The following CLCN7 variants were observed in gnomAD, a reference collection of about 807,000 sequenced individuals.
CLCN7 encodes the protein Cl-/H+ antiporter 7, also known as H(+)/Cl(-) exchange transporter 7.
A neutral mutation model predicts 102.1 loss-of-function variants in CLCN7; 60 were observed. That is an observed-to-expected ratio of 0.59 (90% CI 0.48 to 0.73). The LOEUF (loss-of-function observed/expected upper bound fraction) is 0.73. CLCN7 is among the 30% of genes least tolerant of loss of function. The pLI is 0.00. For synonymous variants in CLCN7, 560 were observed against 490.5 expected (o/e 1.14, Z -1.87); for missense variants, 962 against 1,125.7 (o/e 0.85, Z 2.08).
rs774184483 is a variant in CLCN7, at chr16:1,446,431, G to C, written c.*200C>G. On this transcript the variant is annotated 3_prime_UTR_variant, in exon 25 of 25. Coordinates refer to ENST00000382745, the MANE Select transcript of CLCN7 (RefSeq NM_001287.6). ...TGGGCCTGCGCAAGGAGGCGCCAAG[G>C]GGGGAGACCACTGCCCACAACAGGG... is the stretch of plus-strand genomic sequence containing the variant. 6.1e-5 allele frequency: 43 copies of C among 703,558 alleles called. No individual in the cohort carries two copies. The highest frequency in any genetic ancestry group is 4.0e-4 in the Admixed American group (20 of 49,972). The allele number at this position is 703,558 out of a possible 1,614,324, so 43.6% of individuals were successfully genotyped here. A position where few individuals can be genotyped will look rare whatever the true frequency, so the allele number is the denominator to read the frequency against.
In CLCN7 at chr16:1,452,849, A is replaced by G; in HGVS notation, c.1259T>C (p.Val420Ala). Residue 420 changes from valine (V) to alanine (A), a missense_variant, in exon 15 of 25, where the codon GTG (valine) becomes GCG (alanine). Transcript: ENST00000382745. Reference protein sequence around the residue: ...PCLQVIEAVLVAAVTATVAFV... With the variant: ...PCLQVIEAVLAAAVTATVAFV... ...GGCAACTGTGGCCGTGACGGCGGCCACCAGCACGGCCTCAATCACCTGCAG... is the reference window on the plus strand; with the variant it reads ...GGCAACTGTGGCCGTGACGGCGGCCGCCAGCACGGCCTCAATCACCTGCAG... 1.3e-6 allele frequency: 2 copies of G among 1,583,046 alleles called. No homozygotes were observed. The highest frequency in any genetic ancestry group is 1.7e-6 in the Non-Finnish European group (2 of 1,164,918).
At position 1,446,430 on chromosome 16, in the gene CLCN7, G is replaced by T. The variant is rs1278385914; in HGVS notation, c.*201C>A. The stretch of plus-strand genomic sequence containing the variant: ...CTGGGCCTGCGCAAGGAGGCGCCAA[G>T]GGGGGAGACCACTGCCCACAACAGG... On this transcript the variant is annotated 3_prime_UTR_variant, in exon 25 of 25. Transcript: ENST00000382745. The T allele has an allele frequency of 1.4e-6, 1 of 703,786 alleles. No individual in the cohort carries two copies. Among genetic ancestry groups the T allele is most frequent in the African/African-American group, 1.7e-5 (1 of 57,412 alleles). 43.6% of individuals were successfully genotyped at this position (703,786 alleles called of 1,614,324 possible). A position where few individuals can be genotyped will look rare whatever the true frequency, so the allele number is the denominator to read the frequency against.
chr16:1,455,998 C>A, intron 10 of CLCN7, 115 bp downstream of exon 10: 2 of 1,056,514 alleles, frequency 1.9e-6, no homozygotes, highest in Admixed American at 2.1e-5. Context: ...AATGCCCCGG[C>A]CGTGACTCCA....
In CLCN7 at chr16:1,446,008, T is replaced by C; in HGVS notation, c.*623A>G. On this transcript the variant is annotated 3_prime_UTR_variant, in exon 25 of 25. Transcript: ENST00000382745. ...GTCACCCCAGTCCTCTGGGCCTGTG[T>C]ACCCAAGCCGGATGCAGGCCGGGGA... The C allele has an allele frequency of 1.9e-6, 1 of 519,222 alleles. No individual in the cohort carries two copies. Among genetic ancestry groups the C allele is most frequent in the South Asian group, 2.5e-5 (1 of 39,776 alleles). 32.2% of individuals were successfully genotyped at this position (519,222 alleles called of 1,614,324 possible).
At position 1,474,967 on chromosome 16, in the gene CLCN7, T is replaced by C; in HGVS notation, c.8A>G (p.Asn3Ser). The C allele has an allele frequency of 6.7e-7, 1 of 1,485,158 alleles. No homozygotes were observed. Among genetic ancestry groups the C allele is most frequent in the Non-Finnish European group, 8.9e-7 (1 of 1,121,408 alleles). 92.0% of individuals were successfully genotyped at this position (1,485,158 alleles called of 1,614,324 possible). The change falls in exon 1 of 25, where the codon AAC (asparagine) becomes AGC (serine). Residue 3 changes from asparagine to serine, a missense_variant. By Grantham distance (46) the Asn-to-Ser change is conservative. This residue lies in a region of CLCN7 where 163 missense variants were observed against 137.7 expected (regional missense o/e 1.18). Transcript: ENST00000382745. Reference sequence around the variant, plus strand: ...GGACCAGGACACCTTCTTAGAGACGTTGGCCATGGCCCGCCGCGGAGCGAC... The same window carrying C: ...GGACCAGGACACCTTCTTAGAGACGCTGGCCATGGCCCGCCGCGGAGCGAC... MA[N>S]VSKKVSWSGR... is the part of the protein sequence containing the mutation.
intron 2 of CLCN7, among the ~76,000 whole-genome samples, chr16:1,463,134 A>C (rs1362166400): frequency 6.6e-6 from 1 of 151,808 alleles, no homozygotes. Flanking sequence ...GTCTCAAAAA[A>C]AGAGAGAGAG....
At chr16:1,458,219 C>T (rs764302103) in intron 7 of CLCN7, among the ~76,000 whole-genome samples, 3 of 152,210 alleles carry the variant, frequency 2.0e-5, no homozygotes, top group Non-Finnish European at 2.9e-5. Context: ...GGGGCCTCAT[C>T]CTCTCCACCT....
At chr16:1,447,797 CCT>C (rs2038677738) in intron 21 of CLCN7, 83 bp from the exon 22 acceptor site, 2 of 1,436,632 alleles carry the variant, frequency 1.4e-6, no homozygotes, top group Non-Finnish European at 1.9e-6. Context: ...CCGCTCTGAC[CCT>C]GTTCCGGCCA....
chr16:1,448,331 C>T lies in CLCN7; in HGVS notation c.2013+24G>A, dbSNP rs372829593. 4 of 1,612,338 alleles carry T rather than the reference C, an allele frequency of 2.5e-6. No individual in the cohort carries two copies. In the South Asian group the frequency reaches 3.3e-5, roughly 13 times the overall value. The stretch of plus-strand genomic sequence containing the variant: ...CTCGACAGAGGTCACATAGGCAGGA[C>T]CCTGTCTATGGGGTGCCCGGTACCT... On this transcript the variant is annotated intron_variant, in intron 21 of 24. Coordinates refer to ENST00000382745, the MANE Select transcript of CLCN7 (RefSeq NM_001287.6).
intron 15 of CLCN7, 23 bp downstream of exon 15, chr16:1,452,732 C>T: frequency 1.3e-6 from 2 of 1,571,726 alleles, no homozygotes; most frequent in African/African-American, 1.4e-5. Context: ...CCTGCTGGAC[C>T]CCGCCCGGGC....
At chr16:1,470,755 C>T (rs530540675) in intron 1 of CLCN7, among the ~76,000 whole-genome samples, 1 of 152,352 alleles carries the variant, frequency 6.6e-6, no homozygotes, top group Non-Finnish European at 1.5e-5. Context: ...AGACCCTCCC[C>T]CGCAGCCTTG....
rs991004275 is a variant in CLCN7 at position 1,455,417 on chromosome 16, C to A, written c.982-167G>T. ...TGGAGCCAGGGGTGGGCGCACTGTG[C>A]GGGCAAGGAGCGGCCCAGCCCTCTC... On this transcript the variant is annotated intron_variant, in intron 11 of 24. Coordinates refer to ENST00000382745, the MANE Select transcript of CLCN7 (RefSeq NM_001287.6). The A allele has an allele frequency of 1.4e-5, 10 of 693,156 alleles. No individual in the cohort carries two copies. The East Asian group carries it at 1.6e-4, about 11-fold the overall frequency. The allele number at this position is 693,156 out of a possible 1,614,324, so 42.9% of individuals were successfully genotyped here.
In CLCN7 at chr16:1,460,960, G is replaced by C; in HGVS notation, c.352-12C>G. On this transcript the variant is annotated splice_polypyrimidine_tract_variant and intron_variant, in intron 4 of 24. Transcript: ENST00000382745. ...ACCGTCCGGAAGGCCTGCAGGGCGCGGTCAGGGCGAGGGTCAGGCAGGGCC... is the reference window on the plus strand; with the variant it reads ...ACCGTCCGGAAGGCCTGCAGGGCGCCGTCAGGGCGAGGGTCAGGCAGGGCC... 1 of 1,612,100 alleles carries C rather than the reference G, an allele frequency of 6.2e-7. No homozygotes were observed. Among genetic ancestry groups the C allele is most frequent in the Non-Finnish European group, 8.5e-7 (1 of 1,179,814 alleles).
intron 1 of CLCN7, among the ~76,000 whole-genome samples, chr16:1,468,818 A>G (rs1214740326): frequency 6.6e-6 from 1 of 152,132 alleles, no homozygotes; most frequent in Non-Finnish European, 1.5e-5. Context: ...AAAGGTAAAC[A>G]TTGGGGGGAA....
Position 1,448,662 on chromosome 16 carries a change from G to T in CLCN7, c.1883+19C>A. 1.2e-6 allele frequency: 2 copies of T among 1,612,296 alleles called. No homozygotes were observed. Among genetic ancestry groups the T allele is most frequent in the Non-Finnish European group, 1.7e-6 (2 of 1,179,854 alleles). ...CCGCTGGACACCCTCCCCACCCACA[G>T]GTGTCCTGGGCGCTGTACCTGGCAG... is the stretch of plus-strand genomic sequence containing the variant. On this transcript the variant is annotated intron_variant, in intron 20 of 24. Transcript: ENST00000382745.
chr16:1,456,140 C>CT lies in CLCN7; in HGVS notation c.888dup (p.Val297SerfsTer68). 6.4e-7 allele frequency: 1 copy of CT among 1,562,476 alleles called. No individual in the cohort carries two copies. The highest frequency in any genetic ancestry group is 8.7e-7 in the Non-Finnish European group (1 of 1,153,120). Reference sequence around the variant, plus strand: ...ACGGGGGCTCCAAACGCCGCTGACACTCCGGCCGCAGCCCCTGCGGAGACG... The same window carrying CT: ...ACGGGGGCTCCAAACGCCGCTGACACTTCCGGCCGCAGCCCCTGCGGAGACG... On this transcript the variant is annotated frameshift_variant, in exon 10 of 25. Coordinates refer to ENST00000382745, the MANE Select transcript of CLCN7 (RefSeq NM_001287.6). LOFTEE classifies it high-confidence loss of function.
At chr16:1,449,118 G>A in intron 18 of CLCN7, 25 bp from the exon 19 acceptor site, 2 of 1,612,606 alleles carry the variant, frequency 1.2e-6, no homozygotes, top group Non-Finnish European at 8.5e-7. Flanking sequence ...ATGAACCCCA[G>A]CACGTCCACC....
intron 1 of CLCN7, among the ~76,000 whole-genome samples, chr16:1,467,259 G>C (rs1342765753): frequency 6.6e-6 from 1 of 152,218 alleles, no homozygotes; most frequent in Non-Finnish European, 1.5e-5. Context: ...GGGAGAGTGT[G>C]GGAGGGGCTA....
chr16:1,466,288 G>A (rs553242662), intron 1 of CLCN7, among the ~76,000 whole-genome samples: 15 of 152,224 alleles, frequency 9.9e-5, no homozygotes, highest in African/African-American at 3.1e-4. Context: ...CCCCAACGCC[G>A]TCCCCTCCTC....
Sources: gnomAD v4.1 joint callset for allele counts (sites outside exome capture counted in the v4.1 genomes callset) on GRCh38, gnomAD v4.1.1 for gene constraint, gnomAD v4.1.1 regional missense constraint, MANE v1.5 for transcripts, NCBI Gene and HGNC (gene_info 2026-07-23, HGNC 2026-07-21) for gene names.